The following OCIAD1 variants were observed in gnomAD, a reference collection of about 807,000 sequenced individuals.
The protein encoded by OCIAD1 is OCIA domain-containing protein 1.
OCIAD1 carries 29 observed loss-of-function variants against 38.9 expected under a neutral mutation model. That is an observed-to-expected ratio of 0.74 (90% CI 0.55 to 1.02). OCIAD1 has a LOEUF of 1.02. Ranked by LOEUF, OCIAD1 falls within the 50% of genes least tolerant of loss-of-function variation. The probability of loss-of-function intolerance (pLI) is 0.00; values close to 1 mark genes in which losing one functional copy is unlikely to be tolerated. For missense variants in OCIAD1, 288 were observed against 289.6 expected, an observed-to-expected ratio of 0.99 and a Z score of 0.04; for synonymous variants, 110 against 92.0, an observed-to-expected ratio of 1.20 and a Z score of -1.12.
At chr4:48,852,920 C>A (rs760458649) in intron 7 of OCIAD1, among the ~76,000 whole-genome samples, 3 of 121,790 alleles carry the variant, frequency 2.5e-5, no homozygotes, top group Admixed American at 2.0e-4. Context: ...CTTGCTCTGT[C>A]GCCCAGTCTG....
At chr4:48,844,263 A>G (rs530149230) in intron 4 of OCIAD1, among the ~76,000 whole-genome samples, 1 of 152,284 alleles carries the variant, frequency 6.6e-6, no homozygotes, top group South Asian at 2.1e-4. Flanking sequence ...TAGAGCCAGG[A>G]GAAATTATAA....
rs1579081223 is a variant in OCIAD1 at position 48,844,902 on chromosome 4, C to T, written c.193+2213C>T. ...AAACACTATGTAAATAGTTGTTATA[C>T]TGTATTGTTTAGGGAATAATGACAA... On this transcript the variant is annotated intron_variant, in intron 4 of 8. Transcript: ENST00000264312. Among the ~76,000 whole-genome samples, 2 of 152,060 alleles carry T rather than the reference C, an allele frequency of 1.3e-5. 1 individual carries two copies. The highest frequency in any genetic ancestry group is 2.9e-5 in the Non-Finnish European group (2 of 68,022).
At chr4:48,845,998 A>G (rs1478265892) in intron 4 of OCIAD1, among the ~76,000 whole-genome samples, 2 of 152,258 alleles carry the variant, frequency 1.3e-5, no homozygotes, top group Non-Finnish European at 2.9e-5. Context: ...TACATAGTGC[A>G]CATAGTACTC....
In OCIAD1 at chr4:48,850,079, C is replaced by G. The variant is rs1336671358; in HGVS notation, c.374C>G (p.Pro125Arg). The change falls in exon 6 of 9, where the codon CCT becomes CGT. Residue 125 changes from proline to arginine, a missense_variant. By Grantham distance (103) the Pro-to-Arg change is moderately radical. Coordinates refer to ENST00000264312, the MANE Select transcript of OCIAD1 (RefSeq NM_017830.4). ...RSGQARRSSP[P>R]GHYYQKSKYD... is the part of the protein sequence containing the mutation. ...GGACAAGCACGACGATCTTCACCAC[C>G]TGGGTAGGCCAGATTCTGATCTTTA... The G allele has an allele frequency of 3.1e-6, 5 of 1,610,494 alleles. No homozygotes were observed. The African/African-American group carries it at 4.0e-5, about 13-fold the overall frequency.
chr4:48,842,786 A>G (rs1165532428), intron 4 of OCIAD1, 97 bp downstream of exon 4: 20 of 659,724 alleles, frequency 3.0e-5, no homozygotes, highest in Non-Finnish European at 5.1e-5. Context: ...ATAACAATGT[A>G]TCATATTAAA....
At chr4:48,822,332 G>T (rs1777202533) in intron 1 of OCIAD1, among the ~76,000 whole-genome samples, 1 of 152,190 alleles carries the variant, frequency 6.6e-6, no homozygotes, top group Non-Finnish European at 1.5e-5. Flanking sequence ...GGGAAAACTG[G>T]CTTGGCCATA....
chr4:48,809,679 A>G (rs1777065652), intron 1 of OCIAD1, among the ~76,000 whole-genome samples: 1 of 152,114 alleles, frequency 6.6e-6, no homozygotes, highest in South Asian at 2.1e-4. Flanking sequence ...TACTAATAAC[A>G]TTTGTAGGAT....
intron 7 of OCIAD1, chr4:48,856,818 A>T (rs1022041587): frequency 6.6e-6 from 1 of 152,568 alleles, no homozygotes; most frequent in Non-Finnish European, 1.5e-5. Context: ...TGCTATGTCA[A>T]GTTTTATTCA....
chr4:48,826,468 A>G (rs1487141282), upstream of OCIAD1, among the ~76,000 whole-genome samples: 6 of 152,166 alleles, frequency 3.9e-5, no homozygotes, highest in Admixed American at 2.0e-4. Context: ...CCATGTCCCT[A>G]CAAAGGACAT....
chr4:48,846,787 A>G (rs1243686179), intron 4 of OCIAD1, among the ~76,000 whole-genome samples: 27 of 152,078 alleles, frequency 1.8e-4, no homozygotes, highest in Admixed American at 1.8e-3. Flanking sequence ...CACCATGGAA[A>G]CTGACAAACA....
At chr4:48,810,188 G>GGT (rs1013572027) in intron 1 of OCIAD1, among the ~76,000 whole-genome samples, 13 of 151,926 alleles carry the variant, frequency 8.6e-5, no homozygotes, top group Middle Eastern at 3.4e-3. Context: ...TTAGGAACTC[G>GGT]GTGTGTGTGT....
chr4:48,823,824 C>CTTTTTTTTTTT (rs71660459), intron 1 of OCIAD1, among the ~76,000 whole-genome samples: 16 of 70,128 alleles, frequency 2.3e-4, no homozygotes, highest in Non-Finnish European at 3.1e-4. Flanking sequence ...CAATGCCTGG[C>CTTTTTTTTTTT]TTTTTTTTTT....
chr4:48,828,364 TACAATGG>T, upstream of OCIAD1, among the ~76,000 whole-genome samples: 1 of 152,318 alleles, frequency 6.6e-6, no homozygotes, highest in East Asian at 1.9e-4. Context: ...CAACTCTCTG[TACAATGG>T]ACCAATCAGC....
At chr4:48,840,666 T>C (rs1037810786) in intron 3 of OCIAD1, among the ~76,000 whole-genome samples, 1 of 152,036 alleles carries the variant, frequency 6.6e-6, no homozygotes, top group African/African-American at 2.4e-5. Flanking sequence ...CAAATCTGTT[T>C]TTGTATGCAT....
intron 7 of OCIAD1, among the ~76,000 whole-genome samples, chr4:48,855,119 T>C (rs558331635): frequency 1.3e-5 from 2 of 152,224 alleles, no homozygotes; most frequent in Non-Finnish European, 2.9e-5. Context: ...GAAAAAGTAT[T>C]AGACCTGGAA....
intron 7 of OCIAD1, among the ~76,000 whole-genome samples, chr4:48,853,405 T>C (rs1202213182): frequency 1.3e-5 from 2 of 152,224 alleles, no homozygotes; most frequent in Non-Finnish European, 2.9e-5. Flanking sequence ...GGGTATTTAC[T>C]GTAGTATTTT....
upstream of OCIAD1, among the ~76,000 whole-genome samples, chr4:48,829,200 C>T (rs1369826913): frequency 6.6e-6 from 1 of 151,746 alleles, no homozygotes; most frequent in East Asian, 1.9e-4. Context: ...GCGAAGGTTG[C>T]AGTGAGCCGA....
intron 4 of OCIAD1, among the ~76,000 whole-genome samples, chr4:48,848,063 G>A (rs1181727072): frequency 6.7e-6 from 1 of 150,000 alleles, no homozygotes. Flanking sequence ...TTTTTTTTTG[G>A]TGCTATAATT....
Position 48,849,961 on chromosome 4 carries a change from G to C in OCIAD1, c.256G>C (p.Gly86Arg), listed in dbSNP as rs1240574266. The C allele has an allele frequency of 6.2e-7, 1 of 1,608,798 alleles. No homozygotes were observed. Among genetic ancestry groups the C allele is most frequent in the Non-Finnish European group, 8.5e-7 (1 of 1,178,280 alleles). ...IPKLILACIMGYFAGKLSYVK... is the reference protein window; with the variant it reads ...IPKLILACIMRYFAGKLSYVK... ...TTACAAATAAGTTGCTTGTATCATG[G>C]GATACTTTGCTGGAAAACTTTCTTA... Residue 86 changes from glycine (G) to arginine (R), a missense_variant, in exon 6 of 9, where the codon GGA (glycine) becomes CGA (arginine). By Grantham distance (125) the Gly-to-Arg change is moderately radical. Transcript: ENST00000264312.
Sources: allele counts gnomAD v4.1 joint callset (sites outside exome capture counted in the v4.1 genomes callset), GRCh38; gene constraint gnomAD v4.1.1; transcripts MANE v1.5; gene names NCBI Gene and HGNC (gene_info 2026-07-23, HGNC 2026-07-21).